The following TRIP12 variants were observed in gnomAD, a reference collection of about 807,000 sequenced individuals.
The protein encoded by TRIP12 is thyroid hormone receptor interactor 12, also known as E3 ubiquitin-protein ligase TRIP12.
TRIP12 carries 25 observed loss-of-function variants against 244.2 expected under a neutral mutation model. The ratio of observed to expected loss-of-function variants is 0.10; its 90% confidence interval spans 0.07 to 0.14. The LOEUF is 0.14. TRIP12 is among the 10% of genes least tolerant of loss of function. The pLI, the probability that TRIP12 is intolerant of heterozygous loss-of-function variation, is 1.00. For missense variants in TRIP12, 1,677 were observed against 2,486.4 expected, an observed-to-expected ratio of 0.67 and a Z score of 6.92; for synonymous variants, 905 against 873.1, an observed-to-expected ratio of 1.04 and a Z score of -0.64.
chr2:229,824,385 T>G (rs1403419517), intron 8 of TRIP12, among the ~76,000 whole-genome samples: 1 of 152,134 alleles, frequency 6.6e-6, no homozygotes, highest in Non-Finnish European at 1.5e-5. Context: ...GGGGGGGAGT[T>G]TGCAACACCT....
intron 1 of TRIP12, chr2:229,921,337 A>G: frequency 6.5e-6 from 1 of 152,704 alleles, no homozygotes; most frequent in Non-Finnish European, 1.5e-5. Flanking sequence ...TTGTCACTGG[A>G]GCTGCTTCCT....
Position 229,802,417 on chromosome 2 carries a change from A to G in TRIP12, c.3041T>C (p.Leu1014Ser), listed in dbSNP as rs765463964. ...ACATGCCTTTGGTGGACTTGTCAAC[A>G]AAGACTCTGATTCTGCTAAGTGTTT... ...QVKHLAESES[L>S]LTSPPKACTN... The change falls in exon 21 of 42, where the codon TTG (leucine) becomes TCG (serine). Residue 1014 changes from leucine to serine, a missense_variant. Transcript: ENST00000675903. 2.4e-5 allele frequency: 38 copies of G among 1,614,030 alleles called. No homozygotes were observed. The highest frequency in any genetic ancestry group is 3.2e-5 in the Non-Finnish European group (38 of 1,179,970).
At chr2:229,849,930 CA>C in intron 4 of TRIP12, among the ~76,000 whole-genome samples, 2 of 89,724 alleles carry the variant, frequency 2.2e-5, no homozygotes, top group Non-Finnish European at 4.6e-5. Flanking sequence ...TGGCATAATA[CA>C]CACCAAAAAA....
intron 15 of TRIP12, among the ~76,000 whole-genome samples, chr2:229,810,340 C>G (rs1413330068): frequency 2.0e-5 from 3 of 152,170 alleles, no homozygotes; most frequent in Non-Finnish European, 4.4e-5. Context: ...TTCCCACACA[C>G]TGTGTAAAGG....
chr2:229,887,196 T>C (rs1050151509), intron 1 of TRIP12, among the ~76,000 whole-genome samples: 2 of 152,206 alleles, frequency 1.3e-5, no homozygotes, highest in African/African-American at 4.8e-5. Context: ...AGCTGGCCAA[T>C]CATTAAGTGA....
At chr2:229,894,587 C>G (rs764651645) in intron 1 of TRIP12, 22 of 152,012 alleles carry the variant, frequency 1.4e-4, no homozygotes, top group Non-Finnish European at 2.5e-4. Context: ...AAAAAGCAAG[C>G]AAGACAGGGG....
chr2:229,894,337 GTCTT>G (rs573170808), intron 1 of TRIP12: 22 of 152,120 alleles, frequency 1.4e-4, no homozygotes, highest in Non-Finnish European at 2.2e-4. Context: ...TTTAAAAAAA[GTCTT>G]TATCGTGATC....
intron 1 of TRIP12, among the ~76,000 whole-genome samples, chr2:229,901,148 G>T (rs1375473569): frequency 4.0e-5 from 6 of 150,880 alleles, no homozygotes; most frequent in Non-Finnish European, 8.9e-5. Context: ...TGGCCAGGCT[G>T]GTCTTGAACT....
chr2:229,914,689 G>C (rs771131370), intron 1 of TRIP12, among the ~76,000 whole-genome samples: 7 of 152,174 alleles, frequency 4.6e-5, no homozygotes, highest in South Asian at 2.1e-4. Context: ...CCCACGGCTA[G>C]AGTGAGTAGG....
chr2:229,768,538 T>A, intron 41 of TRIP12, 78 bp downstream of exon 41: 29 of 1,314,246 alleles, frequency 2.2e-5, no homozygotes, highest in Non-Finnish European at 3.1e-5. Flanking sequence ...AAGAATCTCC[T>A]GCTGATGGTA....
chr2:229,794,490 C>T (rs886486833), intron 26 of TRIP12, among the ~76,000 whole-genome samples: 1 of 152,050 alleles, frequency 6.6e-6, no homozygotes, highest in Non-Finnish European at 1.5e-5. Flanking sequence ...TCTCTTCAGC[C>T]AGGAGGTCAA....
In TRIP12 at chr2:229,792,901, G is replaced by A. The variant is rs928704419; in HGVS notation, c.4141+72C>T. 1.0e-5 allele frequency: 15 copies of A among 1,433,944 alleles called. No homozygotes were observed. In the South Asian group the frequency reaches 1.8e-4, roughly 18 times the overall value. The allele number at this position is 1,433,944 out of a possible 1,614,324, so 88.8% of individuals were successfully genotyped here. A position where few individuals can be genotyped will look rare whatever the true frequency, so the allele number is the denominator to read the frequency against. Reference sequence around the variant, plus strand: ...AAACAACATTAAACAGAGAAATAATGTATGTAACTCTTAATGTAAATTTCT... The same window carrying A: ...AAACAACATTAAACAGAGAAATAATATATGTAACTCTTAATGTAAATTTCT... On this transcript the variant is annotated intron_variant, in intron 27 of 41. Coordinates refer to ENST00000675903, the MANE Select transcript of TRIP12 (RefSeq NM_001348323.3).
chr2:229,803,306 GT>G (rs2044947631), intron 20 of TRIP12, among the ~76,000 whole-genome samples: 1 of 152,162 alleles, frequency 6.6e-6, no homozygotes, highest in Non-Finnish European at 1.5e-5. Context: ...TAAAGACTGG[GT>G]TTCACCATGT....
intron 1 of TRIP12, among the ~76,000 whole-genome samples, chr2:229,899,810 G>T (rs1010495617): frequency 6.6e-6 from 1 of 152,204 alleles, no homozygotes; most frequent in Non-Finnish European, 1.5e-5. Context: ...AGGTCTAGGG[G>T]CATGAATGAA....
chr2:229,771,412 C>A (rs2034297953), intron 39 of TRIP12, 107 bp downstream of exon 39: 3 of 827,456 alleles, frequency 3.6e-6, no homozygotes, highest in East Asian at 2.7e-5. Flanking sequence ...CTATCTAACA[C>A]CCATTTTTTT....
intron 1 of TRIP12, among the ~76,000 whole-genome samples, chr2:229,919,137 G>A (rs775951893): frequency 2.6e-5 from 4 of 152,172 alleles, no homozygotes; most frequent in East Asian, 1.9e-4. Flanking sequence ...CACTGGGGCC[G>A]GCGTGGTGGC....
intron 4 of TRIP12, among the ~76,000 whole-genome samples, chr2:229,850,755 C>T (rs1308251168): frequency 6.6e-6 from 1 of 152,240 alleles, no homozygotes; most frequent in East Asian, 1.9e-4. Context: ...GCACCCGGCG[C>T]TTGCGGGCCA....
At chr2:229,786,564 A>ATTTTTT (rs34969936) in intron 33 of TRIP12, among the ~76,000 whole-genome samples, 10 of 78,022 alleles carry the variant, frequency 1.3e-4, no homozygotes, top group Admixed American at 1.7e-4. Context: ...CGCCCAGATA[A>ATTTTTT]TTTTTTTTTT....
In TRIP12 at chr2:229,796,597, A is replaced by C. The variant is rs767745143; in HGVS notation, c.3810T>G (p.Ser1270=). The C allele has an allele frequency of 1.3e-6, 2 of 1,586,538 alleles. No homozygotes were observed. The highest frequency in any genetic ancestry group is 4.5e-5 in the East Asian group (2 of 44,380). The change falls in exon 25 of 42, where the codon TCT becomes TCG. Residue 1270 remains serine (S), a synonymous_variant. Transcript: ENST00000675903. The part of the protein sequence containing the change: ...RLKRFLHVFF[S]SPLPGEEPIG... The stretch of plus-strand genomic sequence containing the variant: ...GCATTATTAGATAACTTACTGGAGA[A>C]GAAAAAAATACATGAAGAAATCGCT...
Sources: gnomAD v4.1 joint callset for allele counts (sites outside exome capture counted in the v4.1 genomes callset) on GRCh38, gnomAD v4.1.1 for gene constraint, MANE v1.5 for transcripts, NCBI Gene and HGNC (gene_info 2026-07-23, HGNC 2026-07-21) for gene names.